CCDC91: variants seen among roughly 807,000 people sequenced by gnomAD.
CCDC91 encodes coiled-coil domain containing 91, also known as coiled-coil domain-containing protein 91.
Under a neutral mutation model 63.2 loss-of-function variants are expected in CCDC91, and 48 were observed. The observed-to-expected ratio is 0.76, with a 90% CI of 0.60 to 0.97. The LOEUF is 0.97. CCDC91 is among the 50% of genes least tolerant of loss of function. The pLI is 0.00. For synonymous variants in CCDC91, 167 were observed against 165.8 expected (o/e 1.01, Z -0.06); for missense variants, 500 against 494.6 (o/e 1.01, Z -0.10).
At chr12:28,210,647 CT>C (rs1245706246) in intron 1 of CCDC91, among the ~76,000 whole-genome samples, 2 of 152,036 alleles carry the variant, frequency 1.3e-5, no homozygotes, top group Non-Finnish European at 2.9e-5. Context: ...GCATAGGACT[CT>C]TTAATAAAAG....
intron 8 of CCDC91, among the ~76,000 whole-genome samples, chr12:28,418,916 A>G (rs1947840099): frequency 6.6e-6 from 1 of 152,140 alleles, no homozygotes; most frequent in African/African-American, 2.4e-5. Context: ...AGTCAAACAA[A>G]CTCCAACAGT....
intron 12 of CCDC91, among the ~76,000 whole-genome samples, chr12:28,536,645 G>C (rs1200217005): frequency 6.6e-6 from 1 of 152,122 alleles, no homozygotes; most frequent in East Asian, 1.9e-4. Flanking sequence ...TGATTATTAT[G>C]AGAAATAAAT....
chr12:28,406,963 G>A (rs1006887243), intron 8 of CCDC91, among the ~76,000 whole-genome samples: 3 of 152,064 alleles, frequency 2.0e-5, no homozygotes, highest in African/African-American at 7.2e-5. Flanking sequence ...GTTGGAGTTG[G>A]GGCCTGGTGG....
At chr12:28,548,752 T>C (rs1289754287) in intron 12 of CCDC91, among the ~76,000 whole-genome samples, 1 of 152,160 alleles carries the variant, frequency 6.6e-6, no homozygotes, top group Non-Finnish European at 1.5e-5. Flanking sequence ...TTTGGTTGCG[T>C]ATATACACTA....
intron 6 of CCDC91, among the ~76,000 whole-genome samples, chr12:28,311,119 T>C (rs1939277393): frequency 6.6e-6 from 1 of 151,964 alleles, no homozygotes; most frequent in African/African-American, 2.4e-5. Context: ...GCAAGTAAAA[T>C]GACAAGTTTT....
intron 6 of CCDC91, among the ~76,000 whole-genome samples, chr12:28,328,682 A>G (rs941438591): frequency 6.6e-6 from 1 of 152,156 alleles, no homozygotes; most frequent in Non-Finnish European, 1.5e-5. Flanking sequence ...TCTGTCCATA[A>G]TGATGTTCTG....
chr12:28,493,668 C>G (rs1199048763), intron 12 of CCDC91, among the ~76,000 whole-genome samples: 1 of 151,722 alleles, frequency 6.6e-6, no homozygotes, highest in Non-Finnish European at 1.5e-5. Flanking sequence ...AATATTTAAA[C>G]CTAACCTTCA....
chr12:28,533,372 T>G (rs564555768), intron 12 of CCDC91, among the ~76,000 whole-genome samples: 1 of 152,224 alleles, frequency 6.6e-6, no homozygotes, highest in East Asian at 1.9e-4. Flanking sequence ...AGTTCTTATT[T>G]TTAAATTAAA....
intron 8 of CCDC91, among the ~76,000 whole-genome samples, chr12:28,427,045 C>T (rs1222034191): frequency 6.6e-6 from 1 of 152,132 alleles, no homozygotes; most frequent in Non-Finnish European, 1.5e-5. Context: ...TCCCTAAGAA[C>T]TCCTCCTTAT....
intron 8 of CCDC91, among the ~76,000 whole-genome samples, chr12:28,434,043 T>C (rs2140120964): frequency 6.6e-6 from 1 of 152,052 alleles, no homozygotes; most frequent in Middle Eastern, 3.4e-3. Context: ...ATATAAATCT[T>C]GCGCTGTGCA....
At chr12:28,251,229 C>T (rs1946099202) in intron 1 of CCDC91, among the ~76,000 whole-genome samples, 1 of 151,820 alleles carries the variant, frequency 6.6e-6, no homozygotes, top group African/African-American at 2.4e-5. Context: ...TGGGTGGTCT[C>T]TTGAGATTTT....
chr12:28,307,083 T>C, intron 5 of CCDC91, 138 bp downstream of exon 5: 1 of 592,572 alleles, frequency 1.7e-6, no homozygotes, highest in Non-Finnish European at 2.9e-6. Flanking sequence ...AGTCATGAGC[T>C]TATCACTTAG....
At chr12:28,477,740 A>G (rs1319703216) in intron 11 of CCDC91, among the ~76,000 whole-genome samples, 2 of 152,176 alleles carry the variant, frequency 1.3e-5, no homozygotes, top group Non-Finnish European at 2.9e-5. Flanking sequence ...AAATCTCCTT[A>G]AGCTGATAAG....
At chr12:28,392,437 G>C (rs2667449) in intron 8 of CCDC91, among the ~76,000 whole-genome samples, 136,620 of 152,200 alleles carry the variant, frequency 0.9, 62,641 homozygotes, top group East Asian at 1. Flanking sequence ...TATTGTAATT[G>C]CGACGTGGAA....
chr12:28,297,856 G>A (rs1424973043), intron 3 of CCDC91, among the ~76,000 whole-genome samples: 50 of 151,856 alleles, frequency 3.3e-4, no homozygotes, highest in Non-Finnish European at 4.4e-5. Flanking sequence ...TTAAAATTAT[G>A]TTTACAATTT....
At chr12:28,300,308 A>G (rs1349835024) in intron 3 of CCDC91, among the ~76,000 whole-genome samples, 2 of 151,510 alleles carry the variant, frequency 1.3e-5, no homozygotes, top group African/African-American at 2.4e-5. Flanking sequence ...CAATTGTTCT[A>G]TCACTATTTA....
At chr12:28,316,270 T>C (rs1939848049) in intron 6 of CCDC91, among the ~76,000 whole-genome samples, 1 of 151,862 alleles carries the variant, frequency 6.6e-6, no homozygotes, top group Non-Finnish European at 1.5e-5. Context: ...CTTTGCCTTC[T>C]ACATTTGTCT....
chr12:28,326,866 A>G (rs1378031849), intron 6 of CCDC91, among the ~76,000 whole-genome samples: 1 of 152,120 alleles, frequency 6.6e-6, no homozygotes, highest in African/African-American at 2.4e-5. Flanking sequence ...CCAGTACACA[A>G]AACTGAAGGT....
intron 12 of CCDC91, among the ~76,000 whole-genome samples, chr12:28,542,872 T>C (rs1015827102): frequency 5.3e-5 from 8 of 152,064 alleles, no homozygotes; most frequent in African/African-American, 1.9e-4. Flanking sequence ...TACTCTGATA[T>C]ATGAGGACCT....
Sources: gnomAD v4.1 joint callset for allele counts (sites outside exome capture counted in the v4.1 genomes callset) on GRCh38, gnomAD v4.1.1 for gene constraint, MANE v1.5 for transcripts, NCBI Gene and HGNC (gene_info 2026-07-23, HGNC 2026-07-21) for gene names.